Variants in DDA1 observed in about 807,000 individuals in gnomAD.
The protein encoded by DDA1 is DET1- and DDB1-associated protein 1.
In DDA1, 3 loss-of-function variants were observed where a neutral mutation model predicts 18.6. That is an observed-to-expected ratio of 0.16 (90% CI 0.07 to 0.42). The LOEUF (loss-of-function observed/expected upper bound fraction) is 0.42, where lower values mean the gene tolerates loss of function less well. DDA1 is among the 10% of genes least tolerant of loss of function. The pLI is 0.99. For synonymous variants in DDA1, 52 were observed against 54.0 expected, an observed-to-expected ratio of 0.96 and a Z score of 0.17; for missense variants, 105 against 138.2, an observed-to-expected ratio of 0.76 and a Z score of 1.20.
intron 1 of DDA1, among the ~76,000 whole-genome samples, chr19:17,312,649 C>T (rs117145592): frequency 0.014 from 2,106 of 152,294 alleles, 36 homozygotes; most frequent in East Asian, 0.057. Context: ...TCACACTGCG[C>T]CCTCGAGGCA....
At chr19:17,311,108 C>T (rs2074176643) in intron 1 of DDA1, among the ~76,000 whole-genome samples, 1 of 151,972 alleles carries the variant, frequency 6.6e-6, no homozygotes, top group Non-Finnish European at 1.5e-5. Context: ...CTGCCTCAGC[C>T]TCCCAAAGTG....
chr19:17,313,942 C>G, intron 1 of DDA1, 81 bp from the exon 2 acceptor site: 1 of 1,154,646 alleles, frequency 8.7e-7, no homozygotes. Context: ...GAAGAAGGAA[C>G]CCAGCAGTCA....
chr19:17,313,960 GGTGCT>G, intron 1 of DDA1, 58 bp from the exon 2 acceptor site: 1 of 1,380,232 alleles, frequency 7.2e-7, no homozygotes, highest in South Asian at 1.2e-5. Flanking sequence ...TCACCCTGCA[GGTGCT>G]CCAGGGATGA....
intron 4 of DDA1, among the ~76,000 whole-genome samples, 157 bp from the exon 5 acceptor site, chr19:17,319,389 C>A (rs35339599): frequency 0.27 from 41,275 of 152,150 alleles, 6,034 homozygotes; most frequent in South Asian, 0.39. Flanking sequence ...ATAGTGAAAC[C>A]CCCATGTCTA....
intron 1 of DDA1, among the ~76,000 whole-genome samples, chr19:17,311,451 G>A (rs932345382): frequency 3.9e-5 from 6 of 152,114 alleles, no homozygotes; most frequent in Non-Finnish European, 4.4e-5. Flanking sequence ...CACTGCGCCC[G>A]GCCAGAAGGA....
At chr19:17,316,019 C>T (rs1450477530) in intron 4 of DDA1, 24 bp downstream of exon 4, 9 of 1,613,044 alleles carry the variant, frequency 5.6e-6, no homozygotes, top group African/African-American at 5.3e-5. Flanking sequence ...GGCTCTGGTG[C>T]AGGGATTGTG....
chr19:17,319,478 T>G (rs1400553073), intron 4 of DDA1, 68 bp from the exon 5 acceptor site: 14 of 1,367,132 alleles, frequency 1.0e-5, no homozygotes, highest in Non-Finnish European at 1.4e-5. Flanking sequence ...GAGGATTGCT[T>G]GAGCCCAGAA....
chr19:17,311,711 A>T (rs767864010), intron 1 of DDA1, among the ~76,000 whole-genome samples: 1 of 152,130 alleles, frequency 6.6e-6, no homozygotes, highest in African/African-American at 2.4e-5. Context: ...TCCTCCTGTG[A>T]TCGAGGTCAT....
intron 3 of DDA1, 121 bp from the exon 4 acceptor site, chr19:17,315,813 T>C (rs1051067773): frequency 2.2e-6 from 2 of 922,410 alleles, no homozygotes; most frequent in African/African-American, 1.7e-5. Context: ...CATGGGACTT[T>C]TGGAGATCTC....
In DDA1 at chr19:17,319,588, G is replaced by A; in HGVS notation, c.241G>A (p.Gly81Ser). The change falls in exon 5 of 5, where the codon GGC (glycine) becomes AGC (serine). Residue 81 changes from glycine (G) to serine (S), a missense_variant. Around this residue, in one of 2 missense-constraint regions of DDA1, gnomAD observed 62 missense variants for 55.8 expected, o/e 1.11. Coordinates refer to ENST00000359866, the MANE Select transcript of DDA1 (RefSeq NM_024050.6). ...AGACCAGGAGCAAGTGGAGCTGGAA[G>A]GCGAGAGCTCCGCACCTCCCCGCAA... ...KRDQEQVELE[G>S]ESSAPPRKVA... The A allele has an allele frequency of 6.3e-7, 1 of 1,579,182 alleles. No homozygotes were observed. Among genetic ancestry groups the A allele is most frequent in the Non-Finnish European group, 8.6e-7 (1 of 1,162,566 alleles).
chr19:17,310,877 C>T (rs886755374), intron 1 of DDA1, among the ~76,000 whole-genome samples: 1 of 152,196 alleles, frequency 6.6e-6, no homozygotes, highest in Non-Finnish European at 1.5e-5. Context: ...CATACCTGTC[C>T]CAGCTTCTTC....
In DDA1 at chr19:17,315,151, G is replaced by GTA. The variant is rs1309786089; in HGVS notation, c.136+769_136+770dup. On this transcript the variant is annotated intron_variant, in intron 3 of 4. Transcript: ENST00000359866. ...TATACACACATATATATACACACAC[G>GTA]TATATATACACACGTGTATATACAC... Among the ~76,000 whole-genome samples the GTA allele has an allele frequency of 2.5e-4, 13 of 52,662 alleles. 4 individuals carry two copies. Among genetic ancestry groups the GTA allele is most frequent in the African/African-American group, 1.4e-3 (10 of 7,204 alleles). The allele number at this position is 52,662 out of a possible 152,430, so 34.5% of individuals were successfully genotyped here. A position where few individuals can be genotyped will look rare whatever the true frequency, so the allele number is the denominator to read the frequency against.
At chr19:17,315,409 CGTGTGTGT>C (rs781595425) in intron 3 of DDA1, among the ~76,000 whole-genome samples, 2 of 43,528 alleles carry the variant, frequency 4.6e-5, no homozygotes, top group African/African-American at 1.1e-4. Context: ...TATATACATA[CGTGTGTGT>C]GTGTGTGTGT....
chr19:17,317,367 C>G (rs7245725), intron 4 of DDA1, among the ~76,000 whole-genome samples: 128,635 of 152,010 alleles, frequency 0.85, 55,390 homozygotes, highest in African/African-American at 0.92. Flanking sequence ...AAATTAGCCG[C>G]GTAGCTGGGT....
intron 4 of DDA1, among the ~76,000 whole-genome samples, chr19:17,319,066 T>A (rs1313432642): frequency 2.0e-5 from 3 of 152,158 alleles, no homozygotes; most frequent in Non-Finnish European, 2.9e-5. Context: ...CAAAGGCCCT[T>A]TATTCCCAGG....
At chr19:17,311,741 C>T (rs773594950) in intron 1 of DDA1, among the ~76,000 whole-genome samples, 12 of 152,202 alleles carry the variant, frequency 7.9e-5, no homozygotes, top group Non-Finnish European at 1.5e-4. Flanking sequence ...TGGGGGGCCC[C>T]CAGTTCTCTG....
At chr19:17,311,967 G>T (rs906046493) in intron 1 of DDA1, among the ~76,000 whole-genome samples, 1 of 152,116 alleles carries the variant, frequency 6.6e-6, no homozygotes, top group Non-Finnish European at 1.5e-5. Flanking sequence ...AAGGCTGCAC[G>T]TACCCTGCCT....
rs2074194952 is a variant in DDA1, at chr19:17,314,808, G to C, written c.136+419G>C. ...GTTCTAAGACAAGTGCTATCGGGCA[G>C]AGAGGCAGCAGAGGGCTACAGGGGC... On this transcript the variant is annotated intron_variant, in intron 3 of 4. Transcript: ENST00000359866. This position sits in a 1 kb window ranked among gnomAD's most constrained non-coding sequence, Gnocchi z 4.6. The C allele has an allele frequency of 4.7e-6, 1 of 212,964 alleles. No homozygotes were observed. Among genetic ancestry groups the C allele is most frequent in the African/African-American group, 2.3e-5 (1 of 43,140 alleles). The allele number at this position is 212,964 out of a possible 1,614,324, so 13.2% of individuals were successfully genotyped here.
Position 17,319,672 on chromosome 19 carries a change from A to G in DDA1, c.*16A>G, listed in dbSNP as rs1340786394. 1.9e-6 allele frequency: 3 copies of G among 1,552,480 alleles called. No homozygotes were observed. The highest frequency in any genetic ancestry group is 2.4e-5 in the East Asian group (1 of 41,094). Reference sequence around the variant, plus strand: ...GGACACTTAAGACTCTCAACTCCACAGGCGCCTCCTGCCAGGTCTGCTCCT... The same window carrying G: ...GGACACTTAAGACTCTCAACTCCACGGGCGCCTCCTGCCAGGTCTGCTCCT... On this transcript the variant is annotated 3_prime_UTR_variant, in exon 5 of 5. Coordinates refer to ENST00000359866, the MANE Select transcript of DDA1 (RefSeq NM_024050.6).
Sources: allele counts gnomAD v4.1 joint callset (sites outside exome capture counted in the v4.1 genomes callset), GRCh38; gene constraint gnomAD v4.1.1; regional missense constraint gnomAD v4.1.1; non-coding constraint Gnocchi (gnomAD v3.1); transcripts MANE v1.5; gene names NCBI Gene and HGNC (gene_info 2026-07-23, HGNC 2026-07-21).